RASSF8: variants seen among roughly 807,000 people sequenced by gnomAD.
RASSF8 encodes the protein Ras association domain family member 8, also known as ras association domain-containing protein 8.
In RASSF8, 22 loss-of-function variants were observed where a neutral mutation model predicts 48.5. That is an observed-to-expected ratio of 0.45 (90% confidence interval 0.32 to 0.65). The LOEUF (loss-of-function observed/expected upper bound fraction) is 0.65, where lower values mean the gene tolerates loss of function less well. Ranked by LOEUF, RASSF8 falls within the 30% of genes least tolerant of loss-of-function variation. RASSF8 has a pLI of 0.03. For synonymous variants in RASSF8, 127 were observed against 171.5 expected, an observed-to-expected ratio of 0.74 and a Z score of 2.03; for missense variants, 418 against 489.2, an observed-to-expected ratio of 0.85 and a Z score of 1.37.
chr12:26,035,911 CAT>C (rs1203199899), intron 2 of RASSF8, among the ~76,000 whole-genome samples: 1 of 143,884 alleles, frequency 7.0e-6, no homozygotes, highest in Non-Finnish European at 1.5e-5. Flanking sequence ...TATATGATTT[CAT>C]ATATATGATA....
intron 1 of RASSF8, among the ~76,000 whole-genome samples, chr12:25,981,166 C>T (rs1941733771): frequency 6.6e-6 from 1 of 152,034 alleles, no homozygotes; most frequent in Non-Finnish European, 1.5e-5. Context: ...TTTGACTCCA[C>T]CAGGGATGGT....
At chr12:26,010,807 C>G (rs1488623328) in intron 2 of RASSF8, among the ~76,000 whole-genome samples, 2 of 151,788 alleles carry the variant, frequency 1.3e-5, no homozygotes, top group African/African-American at 4.8e-5. Context: ...TGAGGGACAA[C>G]GTGAGAGACT....
intron 3 of RASSF8, 61 bp from the exon 4 acceptor site, chr12:26,064,437 C>A: frequency 2.1e-6 from 3 of 1,399,648 alleles, no homozygotes; most frequent in Non-Finnish European, 2.9e-6. Context: ...GGCATTCTTA[C>A]TCCATTTTTT....
intron 2 of RASSF8, among the ~76,000 whole-genome samples, chr12:25,997,383 A>G (rs184742915): frequency 8.5e-5 from 13 of 152,306 alleles, no homozygotes; most frequent in African/African-American, 2.9e-4. Context: ...AATGAAACAT[A>G]TGGCAGTAAT....
rs1944019173 is a variant in RASSF8, at chr12:26,072,467, ATTTC to A, written c.*3650_*3653del. 2.1e-6 allele frequency: 2 copies of A among 964,788 alleles called. No individual in the cohort carries two copies. Among genetic ancestry groups the A allele is most frequent in the Non-Finnish European group, 2.5e-6 (2 of 811,146 alleles). 59.8% of individuals were successfully genotyped at this position (964,788 alleles called of 1,614,324 possible). On this transcript the variant is annotated 3_prime_UTR_variant, in exon 6 of 6. Transcript: ENST00000689635. ...AGAAACCAAATAAATGCAGAAAACT[ATTTC>A]GTATACTAATTATATTAAACCAGCA...
intron 2 of RASSF8, among the ~76,000 whole-genome samples, chr12:26,036,510 A>G (rs1445021575): frequency 6.6e-6 from 1 of 152,102 alleles, no homozygotes; most frequent in Non-Finnish European, 1.5e-5. Context: ...TTAAATTTTA[A>G]TGTAAGATGT....
intron 2 of RASSF8, among the ~76,000 whole-genome samples, chr12:26,025,926 G>A (rs1008735388): frequency 5.3e-5 from 8 of 152,066 alleles, no homozygotes; most frequent in African/African-American, 1.9e-4. Context: ...TCATGGATCT[G>A]TTGGATATCC....
At position 26,070,354 on chromosome 12, in the gene RASSF8, T is replaced by A; in HGVS notation, c.*1536T>A. ...CTACTTAGGTTTCCTATGAAATTTT[T>A]AAGAATGGCTATGAGACTGTATAGA... On this transcript the variant is annotated 3_prime_UTR_variant, in exon 6 of 6. Transcript: ENST00000689635. 1.0e-6 allele frequency: 1 copy of A among 985,334 alleles called. No individual in the cohort carries two copies. 61.0% of individuals were successfully genotyped at this position (985,334 alleles called of 1,614,324 possible). A position where few individuals can be genotyped will look rare whatever the true frequency, so the allele number is the denominator to read the frequency against.
chr12:26,036,915 C>CA (rs144017570), intron 2 of RASSF8, among the ~76,000 whole-genome samples: 10,686 of 149,684 alleles, frequency 0.071, 731 homozygotes, highest in East Asian at 0.27. Context: ...GACTCCATCA[C>CA]AAAAAAATAA....
chr12:26,023,215 G>A (rs190405034), intron 2 of RASSF8, among the ~76,000 whole-genome samples: 2 of 152,260 alleles, frequency 1.3e-5, no homozygotes, highest in African/African-American at 4.8e-5. Flanking sequence ...ACTACAAGGA[G>A]AGAGGGAAGA....
chr12:26,010,939 G>A (rs544668505), intron 2 of RASSF8, among the ~76,000 whole-genome samples: 71 of 152,204 alleles, frequency 4.7e-4, no homozygotes, highest in Middle Eastern at 3.4e-3. Context: ...TACCCTTGTC[G>A]TTTTTAAGTG....
chr12:25,982,168 G>A (rs1488722470), intron 1 of RASSF8, among the ~76,000 whole-genome samples: 1 of 152,130 alleles, frequency 6.6e-6, no homozygotes, highest in Non-Finnish European at 1.5e-5. Context: ...TAGAAGGCAT[G>A]TTAATCAAGT....
Position 26,065,402 on chromosome 12 carries a change from A to C in RASSF8, c.993+15A>C. Reference sequence around the variant, plus strand: ...AACGCTTACAGGTAGGGACACTTTGATAAATAGAATGTTTGGCCCATGTAA... The same window carrying C: ...AACGCTTACAGGTAGGGACACTTTGCTAAATAGAATGTTTGGCCCATGTAA... On this transcript the variant is annotated intron_variant, in intron 4 of 5. Coordinates refer to ENST00000689635, the MANE Select transcript of RASSF8 (RefSeq NM_001394098.1). 2 of 1,576,116 alleles carry C rather than the reference A, an allele frequency of 1.3e-6. No homozygotes were observed. The highest frequency in any genetic ancestry group is 1.7e-6 in the Non-Finnish European group (2 of 1,162,276).
chr12:25,977,083 A>C (rs2136889039), intron 1 of RASSF8, among the ~76,000 whole-genome samples: 1 of 152,294 alleles, frequency 6.6e-6, no homozygotes, highest in East Asian at 1.9e-4. Context: ...CAGGTCTGGC[A>C]ATTTATAGGT....
intron 1 of RASSF8, among the ~76,000 whole-genome samples, chr12:25,975,908 G>A (rs1302622128): frequency 6.6e-6 from 1 of 152,164 alleles, no homozygotes; most frequent in Non-Finnish European, 1.5e-5. Context: ...GATGTACAGA[G>A]TACCTTTGGG....
At chr12:26,039,790 A>C (rs1243463203) in intron 2 of RASSF8, among the ~76,000 whole-genome samples, 1 of 152,166 alleles carries the variant, frequency 6.6e-6, no homozygotes, top group Non-Finnish European at 1.5e-5. Context: ...TTTTGCTTTT[A>C]CTTGTTATTT....
chr12:25,961,378 A>G (rs917656124), intron 1 of RASSF8, among the ~76,000 whole-genome samples: 3 of 152,224 alleles, frequency 2.0e-5, no homozygotes, highest in African/African-American at 7.2e-5. Flanking sequence ...AGTTGGATAG[A>G]AAAACATGCA....
intron 2 of RASSF8, among the ~76,000 whole-genome samples, chr12:26,008,245 T>A (rs1388953561): frequency 6.6e-6 from 1 of 151,892 alleles, no homozygotes; most frequent in Non-Finnish European, 1.5e-5. Context: ...AATTCCAGCC[T>A]GGGCAACACA....
intron 1 of RASSF8, among the ~76,000 whole-genome samples, chr12:25,965,328 A>G (rs1323890187): frequency 6.6e-6 from 1 of 150,844 alleles, no homozygotes; most frequent in Non-Finnish European, 1.5e-5. Context: ...CTATGTATAC[A>G]CATGAAATCA....
Sources: allele counts gnomAD v4.1 joint callset (sites outside exome capture counted in the v4.1 genomes callset), GRCh38; gene constraint gnomAD v4.1.1; transcripts MANE v1.5; gene names NCBI Gene and HGNC (gene_info 2026-07-23, HGNC 2026-07-21).